SPATA9: variants seen among roughly 807,000 people sequenced by gnomAD.
The protein encoded by SPATA9 is spermatogenesis associated 9.
Under a neutral mutation model 25.5 loss-of-function variants are expected in SPATA9, and 27 were observed. That is an observed-to-expected ratio of 1.06 (90% confidence interval 0.78 to 1.46). The LOEUF is 1.46. Among genes scored for constraint, SPATA9 ranks in the 40% most tolerant of loss-of-function variants. The pLI, the probability that SPATA9 is intolerant of heterozygous loss-of-function variation, is 0.00. For synonymous variants in SPATA9, 102 were observed against 105.7 expected (o/e 0.97, Z 0.21); for missense variants, 282 against 297.5 (o/e 0.95, Z 0.38).
At chr5:95,679,930 C>A (rs1753284275) in intron 2 of SPATA9, among the ~76,000 whole-genome samples, 1 of 152,260 alleles carries the variant, frequency 6.6e-6, no homozygotes, top group African/African-American at 2.4e-5. Flanking sequence ...CGGAATCTCG[C>A]TCTGTCGCCC....
chr5:95,729,192 C>T, the SPATA9 span, among the ~76,000 whole-genome samples: 1 of 152,206 alleles, frequency 6.6e-6, no homozygotes, highest in Non-Finnish European at 1.5e-5. Flanking sequence ...AATAAACTGG[C>T]TTTCACTTTA....
intron 1 of SPATA9, among the ~76,000 whole-genome samples, chr5:95,691,564 GT>G (rs139195049): frequency 0.016 from 2,414 of 152,064 alleles, 61 homozygotes; most frequent in African/African-American, 0.055. Context: ...TTGTAGTAGT[GT>G]TTTTTTCCTT....
At chr5:95,728,070 C>T in the SPATA9 span, among the ~76,000 whole-genome samples, 2 of 152,180 alleles carry the variant, frequency 1.3e-5, no homozygotes, top group East Asian at 1.9e-4. Context: ...GATCATATTC[C>T]GTTGATGAGA....
At chr5:95,717,058 T>C in the SPATA9 span, 1 of 152,274 alleles carries the variant, frequency 6.6e-6, no homozygotes, top group Non-Finnish European at 1.5e-5. Flanking sequence ...AGCTGGGTCA[T>C]GGGGTCCATA....
chr5:95,677,283 C>T (rs998218885), intron 2 of SPATA9, among the ~76,000 whole-genome samples: 3 of 152,130 alleles, frequency 2.0e-5, no homozygotes, highest in African/African-American at 7.2e-5. Context: ...TTCTTTTTCT[C>T]CAGAGCCAAA....
the SPATA9 span, among the ~76,000 whole-genome samples, chr5:95,726,060 C>T: frequency 6.6e-6 from 1 of 152,148 alleles, no homozygotes; most frequent in Admixed American, 6.5e-5. Context: ...AACAGAATTT[C>T]TCAAATACCA....
the SPATA9 span, among the ~76,000 whole-genome samples, chr5:95,711,828 C>G: frequency 1.3e-5 from 2 of 152,206 alleles, no homozygotes; most frequent in Non-Finnish European, 2.9e-5. Flanking sequence ...CAAACTTAAC[C>G]ATTGATTTTT....
chr5:95,708,426 G>A, the SPATA9 span, among the ~76,000 whole-genome samples: 35 of 152,278 alleles, frequency 2.3e-4, no homozygotes, highest in African/African-American at 7.7e-4. Flanking sequence ...GACAGTTATA[G>A]TAAGAGGATT....
chr5:95,703,773 G>A, the SPATA9 span, among the ~76,000 whole-genome samples: 1 of 152,092 alleles, frequency 6.6e-6, no homozygotes, highest in East Asian at 1.9e-4. Context: ...AAACAAAATA[G>A]TAAACATGTA....
chr5:95,731,729 G>C, the SPATA9 span: 3 of 1,612,516 alleles, frequency 1.9e-6, no homozygotes, highest in Non-Finnish European at 2.5e-6. Flanking sequence ...TCCAGCGCGT[G>C]CCGTGCGCCC....
At chr5:95,704,634 A>T in the SPATA9 span, among the ~76,000 whole-genome samples, 1 of 152,176 alleles carries the variant, frequency 6.6e-6, no homozygotes, top group Non-Finnish European at 1.5e-5. Context: ...ATATTGCCTT[A>T]AAAATAAATA....
the SPATA9 span, among the ~76,000 whole-genome samples, chr5:95,712,383 T>G: frequency 6.6e-6 from 1 of 152,210 alleles, no homozygotes; most frequent in Non-Finnish European, 1.5e-5. Context: ...ACTGGTAGAA[T>G]GCAGCTGAAG....
At chr5:95,656,787 C>G (rs1238277148), downstream of SPATA9, 1 of 152,622 alleles carries the variant, frequency 6.6e-6, no homozygotes, top group Non-Finnish European at 1.5e-5. Flanking sequence ...TTCTTCCATT[C>G]TTGTTTTATT....
chr5:95,680,532 TCTC>T (rs1267651694), intron 2 of SPATA9, among the ~76,000 whole-genome samples: 2 of 152,304 alleles, frequency 1.3e-5, no homozygotes, highest in East Asian at 3.9e-4. Context: ...TTCTCTTCAT[TCTC>T]TTCTTTTCTC....
chr5:95,656,283 T>C, downstream of SPATA9: 1 of 1,611,524 alleles, frequency 6.2e-7, no homozygotes, highest in Non-Finnish European at 8.5e-7. Context: ...CACTGGAGAC[T>C]TCAAAGTAAT....
chr5:95,655,308 G>A (rs1750678317), downstream of SPATA9: 2 of 152,122 alleles, frequency 1.3e-5, no homozygotes, highest in Non-Finnish European at 2.9e-5. Flanking sequence ...GATATAGAGG[G>A]GAAAATGAAA....
At chr5:95,656,026 T>C, downstream of SPATA9, 1 of 1,605,788 alleles carries the variant, frequency 6.2e-7, no homozygotes, top group East Asian at 2.2e-5. Flanking sequence ...GAATATTAAA[T>C]GAGTTATTCT....
intron 3 of SPATA9, among the ~76,000 whole-genome samples, chr5:95,669,064 T>C (rs1024737292): frequency 3.9e-5 from 6 of 152,360 alleles, no homozygotes; most frequent in Middle Eastern, 3.4e-3. Context: ...AATGTGTCTT[T>C]ACTTAGCAAC....
At chr5:95,731,078 G>A in the SPATA9 span, 1 of 1,092,148 alleles carries the variant, frequency 9.2e-7, no homozygotes, top group Non-Finnish European at 1.1e-6. Context: ...ACTTGCTGCA[G>A]GCGGATTGGC....
Sources: gnomAD v4.1 joint callset for allele counts (sites outside exome capture counted in the v4.1 genomes callset) on GRCh38, gnomAD v4.1.1 for gene constraint, MANE v1.5 for transcripts, NCBI Gene and HGNC (gene_info 2026-07-23, HGNC 2026-07-21) for gene names.